Variants in DCDC1 observed in about 807,000 individuals in gnomAD.
DCDC1 encodes doublecortin domain containing 1.
In DCDC1, 200 loss-of-function variants were observed where a neutral mutation model predicts 178.3. The observed-to-expected ratio is 1.12, with a 90% CI of 1.00 to 1.26. The LOEUF is 1.26. DCDC1 is among the 50% of genes most tolerant of loss of function. The pLI, the probability that DCDC1 is intolerant of heterozygous loss-of-function variation, is 0.00. For synonymous variants in DCDC1, 690 were observed against 604.8 expected, an observed-to-expected ratio of 1.14 and a Z score of -2.07; for missense variants, 1,983 against 1,749.2, an observed-to-expected ratio of 1.13 and a Z score of -2.38.
At chr11:31,271,431 TC>T (rs1242763366) in intron 7 of DCDC1, among the ~76,000 whole-genome samples, 1 of 152,194 alleles carries the variant, frequency 6.6e-6, no homozygotes, top group Non-Finnish European at 1.5e-5. Context: ...AAATTAAATC[TC>T]CCCATACCTA....
At chr11:31,321,241 C>T (rs1270222670) in intron 3 of DCDC1, among the ~76,000 whole-genome samples, 1 of 75,778 alleles carries the variant, frequency 1.3e-5, no homozygotes, top group Admixed American at 1.5e-4. Flanking sequence ...ATGGCGGGCG[C>T]CCCTCCCCCA....
intron 9 of DCDC1, among the ~76,000 whole-genome samples, chr11:31,154,475 A>T (rs1398107293): frequency 1.3e-5 from 2 of 152,146 alleles, no homozygotes; most frequent in Non-Finnish European, 2.9e-5. Context: ...CACTTATCAC[A>T]GTGGTAAGTG....
At chr11:31,237,719 A>C (rs1367696481) in intron 9 of DCDC1, among the ~76,000 whole-genome samples, 1 of 152,092 alleles carries the variant, frequency 6.6e-6, no homozygotes, top group Non-Finnish European at 1.5e-5. Context: ...AGTTTAGAAA[A>C]TACCCCAAGA....
chr11:31,250,415 C>CATATAT (rs753411919), intron 8 of DCDC1, among the ~76,000 whole-genome samples: 5 of 73,724 alleles, frequency 6.8e-5, no homozygotes, highest in South Asian at 5.4e-4. Flanking sequence ...CACACACACA[C>CATATAT]ATATACATAT....
chr11:31,287,592 C>T lies in DCDC1; in HGVS notation c.960+3055G>A, dbSNP rs554431692. On this transcript the variant is annotated intron_variant, in intron 7 of 38. Transcript: ENST00000684477. ...CATCCTTTGTGTCACCTACAAAGGA[C>T]GATGAATCAGTCTGATATCAGACTT... Among the ~76,000 whole-genome samples the T allele has an allele frequency of 1.4e-3, 214 of 151,938 alleles. 2 individuals carry two copies. Among genetic ancestry groups the T allele is most frequent in the East Asian group, 1.9e-4 (1 of 5,182 alleles).
At chr11:31,271,346 T>G (rs920615346) in intron 7 of DCDC1, among the ~76,000 whole-genome samples, 1 of 152,226 alleles carries the variant, frequency 6.6e-6, no homozygotes, top group African/African-American at 2.4e-5. Context: ...TTCTTCTCTC[T>G]CATGTATATT....
At chr11:31,265,926 C>A (rs574836587) in intron 7 of DCDC1, among the ~76,000 whole-genome samples, 1 of 148,762 alleles carries the variant, frequency 6.7e-6, no homozygotes, top group Non-Finnish European at 1.5e-5. Flanking sequence ...TATTAAATAT[C>A]TATTATTTAA....
intron 17 of DCDC1, among the ~76,000 whole-genome samples, chr11:31,089,460 A>C (rs1467534736): frequency 6.6e-6 from 1 of 152,070 alleles, no homozygotes; most frequent in Non-Finnish European, 1.5e-5. Context: ...TCCTTGGATC[A>C]GTGGGTTATA....
intron 1 of DCDC1, among the ~76,000 whole-genome samples, chr11:31,357,858 A>C (rs1295152770): frequency 6.6e-6 from 1 of 151,938 alleles, no homozygotes; most frequent in African/African-American, 2.4e-5. Flanking sequence ...AGAGAATAAA[A>C]TACCTAGGAA....
intron 7 of DCDC1, among the ~76,000 whole-genome samples, chr11:31,289,757 C>T (rs1379784522): frequency 6.6e-6 from 1 of 151,912 alleles, no homozygotes; most frequent in Non-Finnish European, 1.5e-5. Context: ...ACATTAAATC[C>T]TCACAGCAAC....
At chr11:31,288,821 CA>C (rs1947021101) in intron 7 of DCDC1, among the ~76,000 whole-genome samples, 1 of 151,802 alleles carries the variant, frequency 6.6e-6, no homozygotes, top group Non-Finnish European at 1.5e-5. Context: ...ACAACACTTT[CA>C]AAATTTAAAT....
At chr11:31,149,067 AT>A (rs1340763432) in intron 9 of DCDC1, among the ~76,000 whole-genome samples, 1 of 152,162 alleles carries the variant, frequency 6.6e-6, no homozygotes, top group Non-Finnish European at 1.5e-5. Context: ...TGCAAAAGAC[AT>A]TATTTTATTC....
rs765922281 is a variant in DCDC1 at position 30,991,612 on chromosome 11, C to A, written c.2592-39044G>T. On this transcript the variant is annotated intron_variant, in intron 20 of 38. Coordinates refer to ENST00000684477, the MANE Select transcript of DCDC1 (RefSeq NM_001387274.1). Reference sequence around the variant, plus strand: ...TGTGGTTACTCTAAACGTAACTACACCAGGTGTACAAGCCTGCACATTTGA... The same window carrying A: ...TGTGGTTACTCTAAACGTAACTACAACAGGTGTACAAGCCTGCACATTTGA... Among the ~76,000 whole-genome samples the A allele has an allele frequency of 3.5e-4, 53 of 152,130 alleles. 1 individual carries two copies. Among genetic ancestry groups the A allele is most frequent in the Non-Finnish European group, 1.8e-4 (12 of 68,026 alleles).
intron 9 of DCDC1, among the ~76,000 whole-genome samples, chr11:31,138,571 T>C (rs1316683543): frequency 6.6e-6 from 1 of 152,248 alleles, no homozygotes; most frequent in Non-Finnish European, 1.5e-5. Context: ...TTGGAATATT[T>C]AATAATTCTT....
intron 12 of DCDC1, among the ~76,000 whole-genome samples, chr11:31,108,346 T>C (rs993446025): frequency 3.9e-5 from 6 of 152,216 alleles, no homozygotes; most frequent in African/African-American, 1.4e-4. Context: ...AGTAAAAATC[T>C]ATATTGCCTT....
At chr11:31,305,437 G>A (rs1454694657) in intron 6 of DCDC1, among the ~76,000 whole-genome samples, 178 bp downstream of exon 6, 2 of 152,100 alleles carry the variant, frequency 1.3e-5, no homozygotes, top group African/African-American at 2.4e-5. Flanking sequence ...GGCAATAAAC[G>A]TGGCTGTCAG....
At chr11:31,131,494 T>A (rs938412351) in intron 10 of DCDC1, among the ~76,000 whole-genome samples, 1 of 152,162 alleles carries the variant, frequency 6.6e-6, no homozygotes, top group Non-Finnish European at 1.5e-5. Flanking sequence ...GCTTTCAGCC[T>A]CATTTTCACC....
Position 31,089,626 on chromosome 11 carries a change from T to G in DCDC1, c.2237+1767A>C, listed in dbSNP as rs1279858330. On this transcript the variant is annotated intron_variant, in intron 17 of 38. Coordinates refer to ENST00000684477, the MANE Select transcript of DCDC1 (RefSeq NM_001387274.1). ...GATGCTCCGTTCTTTTTTTTTTTTT[T>G]GAAGTATTTGTTTTCTCTCCGGTTT... Among the ~76,000 whole-genome samples, 10 of 151,762 alleles carry G rather than the reference T, an allele frequency of 6.6e-5. No homozygotes were observed. The East Asian group carries it at 1.7e-3, about 26-fold the overall frequency.
At chr11:31,037,800 C>A (rs1954167075) in intron 20 of DCDC1, among the ~76,000 whole-genome samples, 2 of 151,968 alleles carry the variant, frequency 1.3e-5, no homozygotes, top group African/African-American at 4.8e-5. Flanking sequence ...ATCTTTAATT[C>A]TAACTTTCAT....
Sources: allele counts gnomAD v4.1 joint callset (sites outside exome capture counted in the v4.1 genomes callset), GRCh38; gene constraint gnomAD v4.1.1; transcripts MANE v1.5; gene names NCBI Gene and HGNC (gene_info 2026-07-23, HGNC 2026-07-21).